Variants in TMIGD3 observed in about 807,000 individuals in gnomAD.
The protein encoded by TMIGD3 is AD026 protein (AD026).
TMIGD3 carries 21 observed loss-of-function variants against 28.1 expected under a neutral mutation model. The ratio of observed to expected loss-of-function variants is 0.75; its 90% confidence interval spans 0.53 to 1.08. The LOEUF (loss-of-function observed/expected upper bound fraction) is 1.08, where lower values mean the gene tolerates loss of function less well. Among genes scored for constraint, TMIGD3 ranks in the 50% least tolerant of loss-of-function variants. The pLI is 0.00. For synonymous variants in TMIGD3, 151 were observed against 162.1 expected, an observed-to-expected ratio of 0.93 and a Z score of 0.52; for missense variants, 416 against 435.6, an observed-to-expected ratio of 0.96 and a Z score of 0.40.
At chr1:111,493,326 A>G (rs1654752478) in intron 1 of TMIGD3, among the ~76,000 whole-genome samples, 1 of 152,112 alleles carries the variant, frequency 6.6e-6, no homozygotes, top group Non-Finnish European at 1.5e-5. Flanking sequence ...GTAATGAGTG[A>G]GTTCTCAATC....
chr1:111,548,493 A>C (rs1035816411), intron 1 of TMIGD3, among the ~76,000 whole-genome samples: 1 of 152,216 alleles, frequency 6.6e-6, no homozygotes, highest in South Asian at 2.1e-4. Flanking sequence ...TGTGCAGCTG[A>C]TCTGGGCACA....
intron 5 of TMIGD3, 48 bp downstream of exon 5, chr1:111,485,692 A>T: frequency 7.1e-7 from 1 of 1,407,728 alleles, no homozygotes; most frequent in Non-Finnish European, 9.9e-7. Context: ...GACCTCTTTC[A>T]TTTTCTCTAA....
At chr1:111,538,012 C>T (rs1246569713) in intron 1 of TMIGD3, among the ~76,000 whole-genome samples, 1 of 152,074 alleles carries the variant, frequency 6.6e-6, no homozygotes, top group Non-Finnish European at 1.5e-5. Flanking sequence ...TTTAGGATAT[C>T]ATACCACTTA....
At chr1:111,496,313 C>A (rs895795966) in intron 1 of TMIGD3, among the ~76,000 whole-genome samples, 35 of 152,288 alleles carry the variant, frequency 2.3e-4, no homozygotes, top group Non-Finnish European at 4.3e-4. Flanking sequence ...AAATAGGCTG[C>A]CCCACTTCTA....
At chr1:111,516,784 A>C (rs1251704154) in intron 1 of TMIGD3, among the ~76,000 whole-genome samples, 1 of 152,192 alleles carries the variant, frequency 6.6e-6, no homozygotes, top group East Asian at 1.9e-4. Context: ...AACACGGGAT[A>C]AGGTGAAGGG....
At chr1:111,505,387 A>G (rs1185495012), upstream of TMIGD3, among the ~76,000 whole-genome samples, 1 of 152,228 alleles carries the variant, frequency 6.6e-6, no homozygotes, top group Non-Finnish European at 1.5e-5. Context: ...TCACCAGCCC[A>G]GCCACCTCTG....
At chr1:111,495,022 A>C (rs1488397509) in intron 1 of TMIGD3, among the ~76,000 whole-genome samples, 1 of 152,228 alleles carries the variant, frequency 6.6e-6, no homozygotes, top group East Asian at 1.9e-4. Context: ...TTAAATGTAA[A>C]ACTCAAAACT....
intron 1 of TMIGD3, among the ~76,000 whole-genome samples, chr1:111,527,186 A>G (rs1429417402): frequency 6.6e-6 from 1 of 151,374 alleles, no homozygotes; most frequent in Non-Finnish European, 1.5e-5. Context: ...AATTTTTTGT[A>G]TTTTTAGTAG....
upstream of TMIGD3, among the ~76,000 whole-genome samples, chr1:111,506,631 C>T (rs1655498024): frequency 6.6e-6 from 1 of 152,084 alleles, no homozygotes; most frequent in Non-Finnish European, 1.5e-5. Context: ...CAAGGAGTCC[C>T]TGGGTTTGAT....
intron 1 of TMIGD3, among the ~76,000 whole-genome samples, chr1:111,529,830 C>A (rs1401852619): frequency 6.6e-6 from 1 of 152,158 alleles, no homozygotes; most frequent in Non-Finnish European, 1.5e-5. Flanking sequence ...TCCCCCCTTT[C>A]TATTCCACAA....
At position 111,493,843 on chromosome 1, in the gene TMIGD3, A is replaced by G. The variant is rs1450729376; in HGVS notation, c.351-3081T>C. Among the ~76,000 whole-genome samples the G allele has an allele frequency of 3.9e-5, 6 of 152,212 alleles. 1 individual carries two copies. Among genetic ancestry groups the G allele is most frequent in the Admixed American group, 2.0e-4 (3 of 15,282 alleles). On this transcript the variant is annotated intron_variant, in intron 1 of 5. Transcript: ENST00000369716. ...TTCCCAATAGTTATAATACTGTAAA[A>G]CTGTAGAGCATATTAGAATTTACAA...
chr1:111,557,722 A>G (rs1358789895), intron 1 of TMIGD3, among the ~76,000 whole-genome samples: 1 of 152,208 alleles, frequency 6.6e-6, no homozygotes, highest in Non-Finnish European at 1.5e-5. Flanking sequence ...ATAGCCTGAC[A>G]AATATATAGA....
chr1:111,515,982 G>A (rs1655851731), intron 1 of TMIGD3, among the ~76,000 whole-genome samples: 1 of 152,196 alleles, frequency 6.6e-6, no homozygotes, highest in East Asian at 1.9e-4. Flanking sequence ...ACCTGCAGGT[G>A]GGACCGCATG....
At chr1:111,545,964 A>C (rs1437090339) in intron 1 of TMIGD3, among the ~76,000 whole-genome samples, 1 of 152,152 alleles carries the variant, frequency 6.6e-6, no homozygotes, top group African/African-American at 2.4e-5. Flanking sequence ...TTTCGGTTTA[A>C]TTCAGTTAGT....
At chr1:111,498,167 T>C (rs1266824519) in intron 1 of TMIGD3, among the ~76,000 whole-genome samples, 1 of 152,266 alleles carries the variant, frequency 6.6e-6, no homozygotes, top group Non-Finnish European at 1.5e-5. Context: ...TATCAGGCTC[T>C]GGCCTAAAAG....
intron 1 of TMIGD3, among the ~76,000 whole-genome samples, chr1:111,511,674 TACACACAC>T (rs72064023): frequency 2.0e-5 from 3 of 148,936 alleles, no homozygotes; most frequent in Non-Finnish European, 3.0e-5. Context: ...TGGTGCCCTT[TACACACAC>T]ACACACACAC....
chr1:111,483,749 T>C lies in TMIGD3; in HGVS notation c.982A>G (p.Thr328Ala). The part of the protein sequence containing the change: ...RSQRNRRVGN[T>A]LKPFSRVLTP... Reference sequence around the variant, plus strand: ...AGGACACGCGAGAAGGGCTTCAAAGTGTTGCCTACTTTGTTGGGGAATAGA... The same window carrying C: ...AGGACACGCGAGAAGGGCTTCAAAGCGTTGCCTACTTTGTTGGGGAATAGA... The change falls in exon 6 of 6, where the codon ACT (threonine) becomes GCT (alanine). Residue 328 changes from threonine to alanine, a missense_variant. Coordinates refer to ENST00000369716, the MANE Select transcript of TMIGD3 (RefSeq NM_020683.7). 6.2e-7 allele frequency: 1 copy of C among 1,613,936 alleles called. No individual in the cohort carries two copies. The highest frequency in any genetic ancestry group is 1.1e-5 in the South Asian group (1 of 91,082).
At chr1:111,511,678 C>CACACACAT (rs1427023529) in intron 1 of TMIGD3, among the ~76,000 whole-genome samples, 1 of 151,048 alleles carries the variant, frequency 6.6e-6, no homozygotes, top group African/African-American at 2.4e-5. Context: ...GCCCTTTACA[C>CACACACAT]ACACACACAC....
chr1:111,510,971 C>G (rs927456239), intron 1 of TMIGD3, among the ~76,000 whole-genome samples: 2 of 152,158 alleles, frequency 1.3e-5, no homozygotes, highest in Non-Finnish European at 2.9e-5. Flanking sequence ...CTCACGGGCA[C>G]CCACATCCAG....
Sources: gnomAD v4.1 joint callset for allele counts (sites outside exome capture counted in the v4.1 genomes callset) on GRCh38, gnomAD v4.1.1 for gene constraint, MANE v1.5 for transcripts, NCBI Gene and HGNC (gene_info 2026-07-23, HGNC 2026-07-21) for gene names.